Variants in PPP2R2B observed in about 807,000 individuals in gnomAD.
PPP2R2B encodes the protein serine/threonine-protein phosphatase 2A 55 kDa regulatory subunit B beta isoform.
PPP2R2B carries 5 observed loss-of-function variants against 46.0 expected under a neutral mutation model. That is an observed-to-expected ratio of 0.11 (90% confidence interval 0.06 to 0.23). The LOEUF is 0.23. Ranked by LOEUF, PPP2R2B falls within the 10% of genes least tolerant of loss-of-function variation. PPP2R2B has a pLI of 1.00. For synonymous variants in PPP2R2B, 215 were observed against 206.7 expected (o/e 1.04, Z -0.34); for missense variants, 367 against 575.0 (o/e 0.64, Z 3.70).
chr5:146,672,833 T>G (rs568266588), intron 5 of PPP2R2B, among the ~76,000 whole-genome samples: 1 of 152,336 alleles, frequency 6.6e-6, no homozygotes, highest in Non-Finnish European at 1.5e-5. Context: ...TCACGAGAAC[T>G]CTCTAGTTTA....
At position 147,081,081 on chromosome 5, in the gene PPP2R2B, A is replaced by G. The variant is rs975092353; in HGVS notation, c.28T>C (p.Tyr10His). The G allele has an allele frequency of 2.0e-6, 3 of 1,535,490 alleles. No homozygotes were observed. In the African/African-American group the frequency reaches 4.1e-5, roughly 21 times the overall value. The stretch of plus-strand genomic sequence containing the variant: ...TACCTTCTGTGGTTCCAATCTCGAT[A>G]GTGCCTTTCACTTGGCTGAAGCACC... The change falls in exon 2 of 11, where the codon TAT becomes CAT. Residue 10 changes from tyrosine to histidine, a missense_variant. Tyr to His is a moderately conservative substitution (Grantham distance 83, BLOSUM62 2). Coordinates refer to the PPP2R2B transcript ENST00000394413.
chr5:147,025,315 G>A (rs1454803373), intron 1 of PPP2R2B, among the ~76,000 whole-genome samples: 3 of 151,870 alleles, frequency 2.0e-5, no homozygotes, highest in Non-Finnish European at 4.4e-5. Flanking sequence ...CCAAATGGTT[G>A]CAATAATAAA....
intron 2 of PPP2R2B, among the ~76,000 whole-genome samples, chr5:146,866,681 ACAT>A (rs1761330492): frequency 6.6e-6 from 1 of 152,184 alleles, no homozygotes; most frequent in African/African-American, 2.4e-5. Context: ...TATCATATAT[ACAT>A]CATATGTAGT....
intron 1 of PPP2R2B, among the ~76,000 whole-genome samples, chr5:146,887,505 T>C (rs548029440): frequency 2.4e-4 from 37 of 152,138 alleles, no homozygotes; most frequent in Non-Finnish European, 3.8e-4. Context: ...CCTATATATA[T>C]ATATTATGCA....
intron 2 of PPP2R2B, among the ~76,000 whole-genome samples, chr5:146,806,223 G>A (rs573331501): frequency 2.6e-4 from 40 of 152,240 alleles, no homozygotes; most frequent in Non-Finnish European, 4.9e-4. Flanking sequence ...TCAGTGATAG[G>A]GCTATGAATT....
chr5:146,671,708 C>T (rs1480474058), intron 5 of PPP2R2B, among the ~76,000 whole-genome samples: 1 of 152,148 alleles, frequency 6.6e-6, no homozygotes, highest in East Asian at 1.9e-4. Context: ...ATTATACATC[C>T]CAGAGAGCAC....
intron 2 of PPP2R2B, among the ~76,000 whole-genome samples, chr5:146,745,160 CAGAGAGAGAGAGAGAGAG>C (rs747573157): frequency 3.2e-5 from 3 of 94,950 alleles, no homozygotes; most frequent in South Asian, 4.3e-4. Context: ...CAGAGAAAGA[CAGAGAGAGAGAGAGAGAG>C]AGAGAGAGAG....
chr5:146,624,258 C>T (rs1449000505), intron 7 of PPP2R2B, among the ~76,000 whole-genome samples: 1 of 152,118 alleles, frequency 6.6e-6, no homozygotes, highest in Non-Finnish European at 1.5e-5. Context: ...TCATTTTATG[C>T]CTTTTTAAAA....
In PPP2R2B at chr5:146,586,981, G is replaced by A. The variant is rs1165661628; in HGVS notation, c.*2966C>T. On this transcript the variant is annotated 3_prime_UTR_variant, in exon 10 of 10. Coordinates refer to ENST00000394411, the MANE Select transcript of PPP2R2B (RefSeq NM_181675.4). ...GATGGTTTTTGTAAAAGCCAGGGAT[G>A]GCGTGGCTTCCATTTTCCTTCATTC... 6.6e-6 allele frequency: 1 copy of A among 152,184 alleles called. No homozygotes were observed. Among genetic ancestry groups the A allele is most frequent in the Non-Finnish European group, 1.5e-5 (1 of 68,048 alleles). 9.4% of individuals were successfully genotyped at this position (152,184 alleles called of 1,614,324 possible).
chr5:146,878,024 G>T lies in PPP2R2B; in HGVS notation c.48C>A (p.Arg16=), dbSNP rs764839575. 1.9e-6 allele frequency: 3 copies of T among 1,613,878 alleles called. No individual in the cohort carries two copies. The highest frequency in any genetic ancestry group is 2.5e-6 in the Non-Finnish European group (3 of 1,179,950). The part of the protein sequence containing the change: ...DTRKINNSFL[R]DHSYATEADI... ...TACCTTCGGTCGCATAGCTGTGGTC[G>T]CGCAGGAAACTGTTGTTGATTTTGC... The change falls in exon 2 of 10, where the codon CGC becomes CGA. Residue 16 remains arginine, a synonymous_variant. Transcript: ENST00000394411. This position sits in a 1 kb window ranked among gnomAD's most constrained non-coding sequence, Gnocchi z 4.5.
intron 2 of PPP2R2B, among the ~76,000 whole-genome samples, chr5:146,708,401 GTGTGTA>G (rs1474995587): frequency 2.0e-3 from 231 of 117,182 alleles, no homozygotes; most frequent in African/African-American, 6.9e-3. Context: ...ATGTATGTGT[GTGTGTA>G]TGTGTGTGTG....
intron 7 of PPP2R2B, among the ~76,000 whole-genome samples, chr5:146,633,395 G>T (rs572338670): frequency 1.3e-5 from 2 of 152,322 alleles, no homozygotes; most frequent in South Asian, 4.1e-4. Flanking sequence ...GCGGTTGACT[G>T]CAGGCTGCCG....
chr5:146,665,133 G>A (rs1448153935), intron 5 of PPP2R2B, among the ~76,000 whole-genome samples: 2 of 152,190 alleles, frequency 1.3e-5, no homozygotes, highest in Admixed American at 6.5e-5. Flanking sequence ...GTCACCAGCT[G>A]CATTAGCCCC....
chr5:146,671,697 C>T (rs1465186929), intron 5 of PPP2R2B, among the ~76,000 whole-genome samples: 1 of 152,186 alleles, frequency 6.6e-6, no homozygotes, highest in Non-Finnish European at 1.5e-5. Context: ...TAAAAGGAGA[C>T]ATTATACATC....
At chr5:147,023,999 C>T (rs577456794) in intron 1 of PPP2R2B, among the ~76,000 whole-genome samples, 24 of 152,332 alleles carry the variant, frequency 1.6e-4, no homozygotes, top group African/African-American at 2.6e-4. Flanking sequence ...ACCTGGGGCT[C>T]GGAGTTCCAT....
intron 7 of PPP2R2B, among the ~76,000 whole-genome samples, chr5:146,620,444 G>A (rs1008044292): frequency 1.3e-5 from 2 of 152,166 alleles, no homozygotes; most frequent in Non-Finnish European, 1.5e-5. Context: ...TAAGGGAGGC[G>A]GCTGCAGTCC....
intron 2 of PPP2R2B, among the ~76,000 whole-genome samples, chr5:147,062,103 G>A (rs10463388): frequency 0.44 from 66,007 of 151,720 alleles, 17,397 homozygotes; most frequent in Middle Eastern, 0.65. Context: ...TTATAATACC[G>A]TATTTTTCCT....
intron 2 of PPP2R2B, among the ~76,000 whole-genome samples, chr5:146,730,792 G>C (rs1752180093): frequency 6.6e-6 from 1 of 152,132 alleles, no homozygotes; most frequent in Non-Finnish European, 1.5e-5. Flanking sequence ...TTTATTCCTA[G>C]TCTTGGGTAT....
chr5:146,824,310 G>A (rs776358610), intron 2 of PPP2R2B, among the ~76,000 whole-genome samples: 1 of 146,714 alleles, frequency 6.8e-6, no homozygotes, highest in Non-Finnish European at 1.5e-5. Context: ...CAGGGAAGAT[G>A]TTCACATTGG....
Sources: allele counts gnomAD v4.1 joint callset (sites outside exome capture counted in the v4.1 genomes callset), GRCh38; gene constraint gnomAD v4.1.1; non-coding constraint Gnocchi (gnomAD v3.1); transcripts MANE v1.5; gene names NCBI Gene and HGNC (gene_info 2026-07-23, HGNC 2026-07-21).